Variants in RAD23B observed in about 807,000 individuals in gnomAD.
The protein encoded by RAD23B is RAD23 nucleotide excision repair protein B.
Under a neutral mutation model 49.1 loss-of-function variants are expected in RAD23B, and 5 were observed. The observed-to-expected ratio is 0.10, with a 90% CI of 0.05 to 0.21. The LOEUF is 0.21. Among genes scored for constraint, RAD23B ranks in the 10% least tolerant of loss-of-function variants. RAD23B has a pLI of 1.00. For synonymous variants in RAD23B, 184 were observed against 165.4 expected, an observed-to-expected ratio of 1.11 and a Z score of -0.86; for missense variants, 356 against 486.7, an observed-to-expected ratio of 0.73 and a Z score of 2.53.
At chr9:107,296,822 A>G (rs763000224) in intron 1 of RAD23B, among the ~76,000 whole-genome samples, 12 of 149,106 alleles carry the variant, frequency 8.0e-5, no homozygotes, top group Non-Finnish European at 1.8e-4. Context: ...GGCGTGAGCC[A>G]TGGCACCCAG....
At chr9:107,295,247 G>GGA (rs11573646) in intron 1 of RAD23B, among the ~76,000 whole-genome samples, 5,144 of 152,086 alleles carry the variant, frequency 0.034, 305 homozygotes, top group African/African-American at 0.12. Context: ...GATTGTGGGG[G>GGA]GAGAGAGTCT....
Position 107,318,153 on chromosome 9 carries a change from T to A in RAD23B, c.554-599T>A, listed in dbSNP as rs1827032070. 6.6e-6 allele frequency among the ~76,000 whole-genome samples: 1 copy of A among 152,166 alleles called. No homozygotes were observed. The highest frequency in any genetic ancestry group is 2.1e-4 in the South Asian group (1 of 4,830). On this transcript the variant is annotated intron_variant, in intron 5 of 9. Coordinates refer to ENST00000358015, the MANE Select transcript of RAD23B (RefSeq NM_002874.5). This position sits in a 1 kb window ranked among gnomAD's most constrained non-coding sequence, Gnocchi z 4.3. ...CTACTGTAGTAAGTTACCACAAACT[T>A]ATTGGTGTAGAACAACACAGATTAA... is the stretch of plus-strand genomic sequence containing the variant.
At chr9:107,299,638 C>A (rs765151652) in intron 1 of RAD23B, among the ~76,000 whole-genome samples, 1 of 152,176 alleles carries the variant, frequency 6.6e-6, no homozygotes, top group African/African-American at 2.4e-5. Context: ...GTCCCACTCT[C>A]AGAGATTATG....
At chr9:107,294,108 A>T (rs758684347) in intron 1 of RAD23B, among the ~76,000 whole-genome samples, 1 of 152,206 alleles carries the variant, frequency 6.6e-6, no homozygotes, top group African/African-American at 2.4e-5. Flanking sequence ...CACATTAGGG[A>T]ATAATTAGAT....
Position 107,283,647 on chromosome 9 carries a change from G to T in RAD23B, c.18G>T (p.Lys6Asn). ...GCGGCACCATGCAGGTCACCCTGAAGACCCTCCAGCAGCAGACCTTCAAGA... is the reference window on the plus strand; with the variant it reads ...GCGGCACCATGCAGGTCACCCTGAATACCCTCCAGCAGCAGACCTTCAAGA... MQVTL[K>N]TLQQQTFKID... Residue 6 changes from lysine to asparagine, a missense_variant, in exon 1 of 10, where the codon AAG becomes AAT. By Grantham distance (94) the Lys-to-Asn change is moderately conservative (BLOSUM62 0). Coordinates refer to ENST00000358015, the MANE Select transcript of RAD23B (RefSeq NM_002874.5). 2 of 1,486,502 alleles carry T rather than the reference G, an allele frequency of 1.3e-6. No individual in the cohort carries two copies. The highest frequency in any genetic ancestry group is 1.8e-6 in the Non-Finnish European group (2 of 1,116,512). The allele number at this position is 1,486,502 out of a possible 1,614,324, so 92.1% of individuals were successfully genotyped here.
chr9:107,306,986 C>T (rs143012303), intron 4 of RAD23B, among the ~76,000 whole-genome samples: 73 of 152,110 alleles, frequency 4.8e-4, no homozygotes, highest in South Asian at 2.1e-3. Context: ...ATGACATTGC[C>T]ACCCTGATCA....
chr9:107,323,662 AGT>A lies in RAD23B; in HGVS notation c.818-227_818-226del, dbSNP rs567991801. On this transcript the variant is annotated intron_variant, in intron 7 of 9. Coordinates refer to ENST00000358015, the MANE Select transcript of RAD23B (RefSeq NM_002874.5). ...TATAGGAAAGTTTGGTTCATATTACAGTCAGCGTTCTGCACTCCCTGCCTTTG... is the reference window on the plus strand; with the variant it reads ...TATAGGAAAGTTTGGTTCATATTACACAGCGTTCTGCACTCCCTGCCTTTG... 2.5e-3 allele frequency among the ~76,000 whole-genome samples: 387 copies of A among 152,314 alleles called. 1 individual carries two copies. Among genetic ancestry groups the A allele is most frequent in the Middle Eastern group, 6.8e-3 (2 of 294 alleles).
intron 1 of RAD23B, among the ~76,000 whole-genome samples, chr9:107,287,230 TG>T (rs761484681): frequency 5.6e-4 from 40 of 71,040 alleles, no homozygotes; most frequent in Non-Finnish European, 9.6e-4. Flanking sequence ...ATAAACCTTT[TG>T]AGATAAAAAA....
chr9:107,325,078 G>A (rs1473881133), intron 9 of RAD23B, 74 bp downstream of exon 9: 35 of 1,430,310 alleles, frequency 2.4e-5, no homozygotes, highest in Non-Finnish European at 3.0e-5. Flanking sequence ...ACTTTGGGAG[G>A]CCAAGGCAGG....
intron 4 of RAD23B, among the ~76,000 whole-genome samples, chr9:107,309,007 T>C (rs531436050): frequency 3.7e-4 from 57 of 152,224 alleles, no homozygotes; most frequent in Non-Finnish European, 7.3e-4. Flanking sequence ...CAAATTCCAC[T>C]TGATATCTAC....
At chr9:107,284,751 G>T in intron 1 of RAD23B, 1 of 1,109,670 alleles carries the variant, frequency 9.0e-7, no homozygotes. Flanking sequence ...AAAAGTAGTT[G>T]ATTCTATTTT....
chr9:107,294,458 A>G (rs10759222), intron 1 of RAD23B, among the ~76,000 whole-genome samples: 96,952 of 152,036 alleles, frequency 0.64, 32,319 homozygotes, highest in African/African-American at 0.84. Flanking sequence ...GAATGGGAGC[A>G]TTGGTGTGGG....
chr9:107,326,695 G>A lies in RAD23B; in HGVS notation c.1116+1691G>A, dbSNP rs1301979373. Among the ~76,000 whole-genome samples the A allele has an allele frequency of 8.2e-5, 11 of 133,502 alleles. 1 individual carries two copies. The highest frequency in any genetic ancestry group is 1.6e-4 in the Non-Finnish European group (10 of 64,024). 87.6% of individuals were successfully genotyped at this position (133,502 alleles called of 152,430 possible). A position where few individuals can be genotyped will look rare whatever the true frequency, so the allele number is the denominator to read the frequency against. On this transcript the variant is annotated intron_variant, in intron 9 of 9. Transcript: ENST00000358015. The stretch of plus-strand genomic sequence containing the variant: ...GTTGCCCAGGCTGGATTGCAGTGGC[G>A]TGATCTCCGCTCATTGCAAGCTCCA...
intron 1 of RAD23B, among the ~76,000 whole-genome samples, chr9:107,292,383 T>C (rs1047418913): frequency 1.3e-5 from 2 of 152,144 alleles, no homozygotes; most frequent in African/African-American, 4.8e-5. Context: ...AGATTGCCTT[T>C]AAAAATGCCT....
In RAD23B at chr9:107,283,592, C is replaced by T. The variant is rs1014129712; in HGVS notation, c.-38C>T. 7 of 1,460,820 alleles carry T rather than the reference C, an allele frequency of 4.8e-6. No homozygotes were observed. Among genetic ancestry groups the T allele is most frequent in the Non-Finnish European group, 6.4e-6 (7 of 1,101,560 alleles). The allele number at this position is 1,460,820 out of a possible 1,614,324, so 90.5% of individuals were successfully genotyped here. On this transcript the variant is annotated 5_prime_UTR_variant, in exon 1 of 10. Transcript: ENST00000358015. Reference sequence around the variant, plus strand: ...ACAGACCCCGCCCAGCGGCCAGCACCCGGCGCAGGCCCGGCAGCCGAGCTG... The same window carrying T: ...ACAGACCCCGCCCAGCGGCCAGCACTCGGCGCAGGCCCGGCAGCCGAGCTG...
At chr9:107,283,814 C>T (rs1000305296) in intron 1 of RAD23B, 119 bp downstream of exon 1, 59 of 1,009,192 alleles carry the variant, frequency 5.8e-5, no homozygotes, top group Non-Finnish European at 7.2e-5. Flanking sequence ...GATGAGGGCC[C>T]TGGGTCCTGG....
Position 107,300,092 on chromosome 9 carries a change from C to T in RAD23B, c.67-49C>T, listed in dbSNP as rs199671063. The T allele has an allele frequency of 1.7e-5, 27 of 1,573,326 alleles. No individual in the cohort carries two copies. In the Admixed American group the frequency reaches 2.5e-4, roughly 15 times the overall value. On this transcript the variant is annotated intron_variant, in intron 1 of 9. Coordinates refer to ENST00000358015, the MANE Select transcript of RAD23B (RefSeq NM_002874.5). ...ATTATTTATTCAGATTCTGGATTGTCATTTTTTATTTAGACTTTTTCCAAA... is the reference window on the plus strand; with the variant it reads ...ATTATTTATTCAGATTCTGGATTGTTATTTTTTATTTAGACTTTTTCCAAA...
chr9:107,304,054 A>G (rs1564244701), intron 3 of RAD23B, among the ~76,000 whole-genome samples: 1 of 152,172 alleles, frequency 6.6e-6, no homozygotes, highest in East Asian at 1.9e-4. Flanking sequence ...ACAACTATGA[A>G]AAGGGAGGGA....
At chr9:107,293,916 C>CT (rs1833435338) in intron 1 of RAD23B, among the ~76,000 whole-genome samples, 1 of 152,152 alleles carries the variant, frequency 6.6e-6, no homozygotes, top group Non-Finnish European at 1.5e-5. Flanking sequence ...CCTGAGGTAA[C>CT]TGGGACTACA....
Sources: gnomAD v4.1 joint callset for allele counts (sites outside exome capture counted in the v4.1 genomes callset) on GRCh38, gnomAD v4.1.1 for gene constraint, Gnocchi (gnomAD v3.1) non-coding constraint, MANE v1.5 for transcripts, NCBI Gene and HGNC (gene_info 2026-07-23, HGNC 2026-07-21) for gene names.